The following SNED1 variants were observed in gnomAD, a reference collection of about 807,000 sequenced individuals.
SNED1 encodes the protein sushi, nidogen and EGF-like domain-containing protein 1.
A neutral mutation model predicts 166.7 loss-of-function variants in SNED1; 81 were observed. That is an observed-to-expected ratio of 0.49 (90% CI 0.41 to 0.58). The LOEUF is 0.58. SNED1 is among the 20% of genes least tolerant of loss of function. SNED1 has a pLI of 0.00. For missense variants in SNED1, 1,604 were observed against 2,000.2 expected (o/e 0.80, Z 3.78); for synonymous variants, 762 against 822.0 (o/e 0.93, Z 1.25).
intron 12 of SNED1, among the ~76,000 whole-genome samples, chr2:241,050,511 A>G (rs988450759): frequency 6.6e-6 from 1 of 152,156 alleles, no homozygotes; most frequent in Non-Finnish European, 1.5e-5. Context: ...CCAGGGGCTC[A>G]GCCCCAGGCA....
At chr2:241,000,375 G>A (rs1016171095) in intron 1 of SNED1, among the ~76,000 whole-genome samples, 3 of 152,190 alleles carry the variant, frequency 2.0e-5, no homozygotes, top group Non-Finnish European at 4.4e-5. Flanking sequence ...CCATGCTGTC[G>A]GTGCTACCCC....
Position 241,040,339 on chromosome 2 carries a change from G to T in SNED1, c.1199G>T (p.Gly400Val). ...AGCCCTGACCCCTGCCTGAATGGAGGCTCTTGTGTTGACCTAGTGGGGAAT... is the reference window on the plus strand; with the variant it reads ...AGCCCTGACCCCTGCCTGAATGGAGTCTCTTGTGTTGACCTAGTGGGGAAT... ...DCSPDPCLNG[G>V]SCVDLVGNYT... Residue 400 changes from glycine (G) to valine (V), a missense_variant, in exon 8 of 32, where the codon GGC becomes GTC. By Grantham distance (109) the Gly-to-Val change is moderately radical. Transcript: ENST00000310397. The T allele has an allele frequency of 6.2e-7, 1 of 1,609,612 alleles. No homozygotes were observed. The highest frequency in any genetic ancestry group is 8.5e-7 in the Non-Finnish European group (1 of 1,178,128).
In SNED1 at chr2:241,049,061, C is replaced by T; in HGVS notation, c.1544C>T (p.Pro515Leu). 6.2e-7 allele frequency: 1 copy of T among 1,613,586 alleles called. No individual in the cohort carries two copies. The highest frequency in any genetic ancestry group is 1.1e-5 in the South Asian group (1 of 90,932). Residue 515 changes from proline (P) to leucine (L), a missense_variant, in exon 11 of 32, where the codon CCA (proline) becomes CTA (leucine). Transcript: ENST00000310397. ...CCCTGCAACATGAACACACAGTGCC[C>T]AGATGGGGGCTACTGCATGGAGCAC... Reference protein sequence around the residue: ...AMPCNMNTQCPDGGYCMEHGG... With the variant: ...AMPCNMNTQCLDGGYCMEHGG...
chr2:241,072,057 A>G (rs749346851), intron 26 of SNED1, 179 bp downstream of exon 26: 3 of 709,756 alleles, frequency 4.2e-6, no homozygotes, highest in Admixed American at 4.0e-5. Context: ...GGCAGCATGC[A>G]CCTCCATGGC....
chr2:241,005,994 C>G (rs1221070448), intron 1 of SNED1, among the ~76,000 whole-genome samples: 1 of 152,182 alleles, frequency 6.6e-6, no homozygotes, highest in East Asian at 1.9e-4. Context: ...TCCTTTCTCT[C>G]CTCTCTTTTG....
chr2:241,063,645 A>C lies in SNED1; in HGVS notation c.2430A>C (p.Pro810=). The change falls in exon 18 of 32, where the codon CCA becomes CCC. Residue 810 remains proline, a synonymous_variant. Transcript: ENST00000310397. The part of the protein sequence containing the change: ...CRNGGSCRNL[P]GAYVCRCPAG... The stretch of plus-strand genomic sequence containing the variant: ...ATGGAGGGTCCTGCAGGAACCTCCC[A>C]GGGGCCTATGTCTGCCGGTGCCCTG... The C allele has an allele frequency of 1.9e-6, 3 of 1,612,598 alleles. No homozygotes were observed. The highest frequency in any genetic ancestry group is 2.5e-6 in the Non-Finnish European group (3 of 1,179,446).
At chr2:241,080,402 T>C (rs187962478) in intron 27 of SNED1, among the ~76,000 whole-genome samples, 10 of 152,350 alleles carry the variant, frequency 6.6e-5, no homozygotes, top group Admixed American at 1.3e-4. Context: ...GTTCTGTTCA[T>C]TGAAAGGCCT....
At chr2:241,067,732 C>T in intron 21 of SNED1, 32 bp from the exon 22 acceptor site, 1 of 1,567,884 alleles carries the variant, frequency 6.4e-7, no homozygotes, top group South Asian at 1.2e-5. Context: ...CAAGGAGGGG[C>T]CGGCACCTGC....
At position 241,075,131 on chromosome 2, in the gene SNED1, A is replaced by G. The variant is rs2062959462; in HGVS notation, c.3916+1767A>G. The G allele has an allele frequency of 6.6e-6, 1 of 152,160 alleles. No individual in the cohort carries two copies. The highest frequency in any genetic ancestry group is 1.5e-5 in the Non-Finnish European group (1 of 68,040). The allele number at this position is 152,160 out of a possible 1,614,324, so 9.4% of individuals were successfully genotyped here. A position where few individuals can be genotyped will look rare whatever the true frequency, so the allele number is the denominator to read the frequency against. On this transcript the variant is annotated intron_variant, in intron 27 of 31. Coordinates refer to ENST00000310397, the MANE Select transcript of SNED1 (RefSeq NM_001080437.3). This position sits in a 1 kb window ranked among gnomAD's most constrained non-coding sequence, Gnocchi z 4.8. ...ATTGAGCACAGAGTCCACTGAGTGA[A>G]CTGACCGGCTCTTCTCCCCTCTCTG...
chr2:241,051,544 G>A lies in SNED1; in HGVS notation c.1736-200G>A, dbSNP rs905853747. 9 of 448,220 alleles carry A rather than the reference G, an allele frequency of 2.0e-5. No homozygotes were observed. Among genetic ancestry groups the A allele is most frequent in the Non-Finnish European group, 3.5e-5 (9 of 254,148 alleles). The allele number at this position is 448,220 out of a possible 1,614,324, so 27.8% of individuals were successfully genotyped here. ...CAAAGGGCCCACCTGTGACTGAGTT[G>A]GGGTCTCCAGCCTGTGAGCCCCACC... On this transcript the variant is annotated intron_variant, in intron 12 of 31. Transcript: ENST00000310397. This position sits in a 1 kb window ranked among gnomAD's most constrained non-coding sequence, Gnocchi z 4.7.
rs532157992 is a variant in SNED1 at position 241,064,600 on chromosome 2, C to T, written c.2600-244C>T. ...GGTGGTGGCCTGTCCTGTCCTGATC[C>T]AGTGTCTCCTCCCCTCAGCCAGTCC... On this transcript the variant is annotated intron_variant, in intron 19 of 31. Coordinates refer to ENST00000310397, the MANE Select transcript of SNED1 (RefSeq NM_001080437.3). This position sits in a 1 kb window ranked among gnomAD's most constrained non-coding sequence, Gnocchi z 7.0. Among the ~76,000 whole-genome samples the T allele has an allele frequency of 9.5e-4, 144 of 152,342 alleles. 1 individual carries two copies. The highest frequency in any genetic ancestry group is 3.3e-3 in the African/African-American group (139 of 41,582).
At chr2:241,076,780 G>A (rs904482757) in intron 27 of SNED1, among the ~76,000 whole-genome samples, 19 of 151,188 alleles carry the variant, frequency 1.3e-4, no homozygotes, top group Non-Finnish European at 2.5e-4. Flanking sequence ...GCTCACGCCT[G>A]TAATCCGTGG....
chr2:241,063,019 G>T (rs915455358), intron 17 of SNED1, 115 bp downstream of exon 17: 9 of 637,312 alleles, frequency 1.4e-5, no homozygotes, highest in Admixed American at 1.2e-4. Flanking sequence ...GCCACTGCAT[G>T]CTTTCTCGGG....
chr2:241,071,701 A>ACCCC lies in SNED1; in HGVS notation c.3717_3720dup (p.Thr1241ProfsTer59). 5 of 1,281,772 alleles carry ACCCC rather than the reference A, an allele frequency of 3.9e-6. No homozygotes were observed. The highest frequency in any genetic ancestry group is 4.3e-6 in the Non-Finnish European group (4 of 928,622). The allele number at this position is 1,281,772 out of a possible 1,614,324, so 79.4% of individuals were successfully genotyped here. ...GCTCAATGACCACAGCGCCCCCGAGACCCCCACCCAGCCCCCCAGGTACAT... is the reference window on the plus strand; with the variant it reads ...GCTCAATGACCACAGCGCCCCCGAGACCCCCCCCCACCCAGCCCCCCAGGTACAT... On this transcript the variant is annotated frameshift_variant, in exon 25 of 32. Coordinates refer to ENST00000310397, the MANE Select transcript of SNED1 (RefSeq NM_001080437.3). LOFTEE classifies it high-confidence loss of function.
At chr2:241,040,790 C>G in intron 8 of SNED1, 3 of 476,352 alleles carry the variant, frequency 6.3e-6, no homozygotes, top group Non-Finnish European at 1.3e-5. Context: ...CTCTCCTACT[C>G]TAGAACCCTC....
chr2:241,032,505 GGGA>G (rs2061215531), intron 2 of SNED1, among the ~76,000 whole-genome samples: 2 of 151,532 alleles, frequency 1.3e-5, no homozygotes, highest in Non-Finnish European at 2.9e-5. Context: ...GGTCGGGGGA[GGGA>G]TAGCATTAGG....
At chr2:241,080,783 C>T (rs1365550133) in intron 27 of SNED1, among the ~76,000 whole-genome samples, 5 of 152,230 alleles carry the variant, frequency 3.3e-5, no homozygotes, top group Admixed American at 3.3e-4. Flanking sequence ...TTGCTGAGGA[C>T]CAACTCGGTC....
intron 1 of SNED1, among the ~76,000 whole-genome samples, chr2:241,029,398 G>A (rs2124972957): frequency 6.6e-6 from 1 of 152,334 alleles, no homozygotes; most frequent in African/African-American, 2.4e-5. Flanking sequence ...ATCCTCCCAT[G>A]GCAGAAGGCA....
intron 6 of SNED1, among the ~76,000 whole-genome samples, chr2:241,037,749 G>A (rs2061417965): frequency 6.6e-6 from 1 of 152,244 alleles, no homozygotes; most frequent in Non-Finnish European, 1.5e-5. Context: ...GGAACGTGAA[G>A]TGCTTCTGGG....
Sources: allele counts gnomAD v4.1 joint callset (sites outside exome capture counted in the v4.1 genomes callset), GRCh38; gene constraint gnomAD v4.1.1; non-coding constraint Gnocchi (gnomAD v3.1); transcripts MANE v1.5; gene names NCBI Gene and HGNC (gene_info 2026-07-23, HGNC 2026-07-21).